Variants in TRAPPC3L observed in about 807,000 individuals in gnomAD.
TRAPPC3L encodes trafficking protein particle complex subunit 3L.
TRAPPC3L carries 23 observed loss-of-function variants against 23.7 expected under a neutral mutation model. The ratio of observed to expected loss-of-function variants is 0.97; its 90% CI spans 0.70 to 1.37. The LOEUF (loss-of-function observed/expected upper bound fraction) is 1.37. Ranked by LOEUF, TRAPPC3L falls within the 40% of genes most tolerant of loss-of-function variation. TRAPPC3L has a pLI of 0.00. For synonymous variants in TRAPPC3L, 81 were observed against 77.9 expected, an observed-to-expected ratio of 1.04 and a Z score of -0.21; for missense variants, 212 against 216.8, an observed-to-expected ratio of 0.98 and a Z score of 0.14.
At chr6:116,530,884 CATAG>C (rs1411120457) in intron 3 of TRAPPC3L, among the ~76,000 whole-genome samples, 14 of 121,240 alleles carry the variant, frequency 1.2e-4, no homozygotes, top group African/African-American at 4.5e-4. Context: ...GCAGAAGGTT[CATAG>C]ATAAAGTGAG....
At chr6:116,500,895 C>T (rs1216848048) in intron 3 of TRAPPC3L, among the ~76,000 whole-genome samples, 1 of 152,186 alleles carries the variant, frequency 6.6e-6, no homozygotes, top group Non-Finnish European at 1.5e-5. Context: ...ATAGGAACAG[C>T]TCTAGTCTAT....
chr6:116,523,061 G>T (rs748652630), intron 3 of TRAPPC3L: 2 of 150,592 alleles, frequency 1.3e-5, no homozygotes, highest in Non-Finnish European at 3.0e-5. Context: ...ATTTCTAACA[G>T]GTTCTCAGGT....
chr6:116,530,902 CATAT>C (rs10557481), intron 3 of TRAPPC3L, among the ~76,000 whole-genome samples: 12,051 of 75,912 alleles, frequency 0.16, 719 homozygotes, highest in Non-Finnish European at 0.19. Flanking sequence ...AAGTGAGACT[CATAT>C]ATATATATAT....
At chr6:116,505,850 C>T (rs989754393) in intron 3 of TRAPPC3L, among the ~76,000 whole-genome samples, 27 of 152,140 alleles carry the variant, frequency 1.8e-4, no homozygotes, top group Non-Finnish European at 3.4e-4. Context: ...TTCCTTACAC[C>T]TTATACAAAA....
chr6:116,500,832 T>C (rs1188122837), intron 3 of TRAPPC3L, among the ~76,000 whole-genome samples, 166 bp from the exon 4 acceptor site: 1 of 152,194 alleles, frequency 6.6e-6, no homozygotes, highest in Non-Finnish European at 1.5e-5. Context: ...ATTGATCCTA[T>C]GATGTGAAAT....
chr6:116,515,226 T>C (rs1772199675), intron 3 of TRAPPC3L, among the ~76,000 whole-genome samples: 1 of 152,194 alleles, frequency 6.6e-6, no homozygotes, highest in Non-Finnish European at 1.5e-5. Context: ...GAGCTGGTCA[T>C]TTACTCAAAT....
chr6:116,501,298 T>C (rs1583264541), intron 3 of TRAPPC3L, among the ~76,000 whole-genome samples: 1 of 151,614 alleles, frequency 6.6e-6, no homozygotes, highest in Non-Finnish European at 1.5e-5. Context: ...GGGGGAGGGG[T>C]GTCTGCCATT....
chr6:116,501,482 G>T (rs1436874636), intron 3 of TRAPPC3L, among the ~76,000 whole-genome samples: 1 of 152,176 alleles, frequency 6.6e-6, no homozygotes, highest in Non-Finnish European at 1.5e-5. Context: ...ACACTTAAAC[G>T]TTCCTGCCTG....
rs1771843360 is a variant in TRAPPC3L at position 116,497,053 on chromosome 6, AAC to A, written c.445_446del (p.Val149TyrfsTer10). The stretch of plus-strand genomic sequence containing the variant: ...CTTTTAGTCTGTCTTGCAAGAATGT[AAC>A]ATCAGCCGCCAAATGAACCTAGGAA... ...ALEMVHLAAD[V>X]TFLQDRLKGD... On this transcript the variant is annotated frameshift_variant, in exon 5 of 5. Coordinates refer to ENST00000368602, the MANE Select transcript of TRAPPC3L (RefSeq NM_001139444.3). LOFTEE classifies it high-confidence loss of function. 2 of 1,542,166 alleles carry A rather than the reference AAC, an allele frequency of 1.3e-6. No individual in the cohort carries two copies. Among genetic ancestry groups the A allele is most frequent in the African/African-American group, 2.8e-5 (2 of 72,058 alleles).
chr6:116,500,547 A>C lies in TRAPPC3L; in HGVS notation c.360T>G (p.Pro120=), dbSNP rs1293349437. Residue 120 remains proline, a synonymous_variant, in exon 4 of 5, where the codon CCT becomes CCG. Transcript: ENST00000368602. Reference sequence around the variant, plus strand: ...AGTAGCACAGAGAAGATCGCCCAGCAGGGAGCTCTTCCACAAACTCCACCA... The same window carrying C: ...AGTAGCACAGAGAAGATCGCCCAGCCGGGAGCTCTTCCACAAACTCCACCA... ...NPLVEFVEEL[P]AGRSSLCYCN... is the part of the protein sequence containing the mutation. The C allele has an allele frequency of 6.4e-7, 1 of 1,551,572 alleles. No homozygotes were observed. The highest frequency in any genetic ancestry group is 1.4e-5 in the African/African-American group (1 of 73,066).
chr6:116,497,111 T>C (rs1389039126), intron 4 of TRAPPC3L, 38 bp from the exon 5 acceptor site: 1 of 1,500,502 alleles, frequency 6.7e-7, no homozygotes, highest in South Asian at 1.3e-5. Flanking sequence ...TGTCATTCAA[T>C]TAAAAAACAA....
chr6:116,536,221 A>G lies in TRAPPC3L; in HGVS notation c.240+4142T>C, dbSNP rs112710569. Among the ~76,000 whole-genome samples the G allele has an allele frequency of 3.0e-3, 450 of 152,344 alleles. 4 individuals carry two copies. The highest frequency in any genetic ancestry group is 0.01 in the African/African-American group (433 of 41,572). On this transcript the variant is annotated intron_variant, in intron 3 of 4. Coordinates refer to ENST00000368602, the MANE Select transcript of TRAPPC3L (RefSeq NM_001139444.3). ...TTTAATGTTGTAGGAATGAGACTTTATAATTAACTTGGCATCTTTTTTTTA... is the reference window on the plus strand; with the variant it reads ...TTTAATGTTGTAGGAATGAGACTTTGTAATTAACTTGGCATCTTTTTTTTA...
chr6:116,512,064 C>T, intron 3 of TRAPPC3L: 1 of 1,614,030 alleles, frequency 6.2e-7, no homozygotes, highest in Non-Finnish European at 8.5e-7. Flanking sequence ...CTCAATGGAA[C>T]TTTCTATGAA....
At chr6:116,536,251 A>G (rs933528567) in intron 3 of TRAPPC3L, among the ~76,000 whole-genome samples, 4 of 152,140 alleles carry the variant, frequency 2.6e-5, no homozygotes, top group African/African-American at 9.7e-5. Flanking sequence ...TTTTTATATA[A>G]AATGCAAGGT....
chr6:116,543,910 A>C (rs1476105267), intron 1 of TRAPPC3L: 14 of 1,448,670 alleles, frequency 9.7e-6, no homozygotes, highest in Admixed American at 2.1e-5. Context: ...AAAAAAGGGG[A>C]ATGTGATATT....
chr6:116,511,819 C>T (rs1412381506), intron 3 of TRAPPC3L: 2 of 1,614,024 alleles, frequency 1.2e-6, no homozygotes, highest in South Asian at 1.1e-5. Context: ...CTTTTAAGTG[C>T]CCCTGCAGCA....
chr6:116,495,309 C>T lies in TRAPPC3L; in HGVS notation c.*1645G>A, dbSNP rs1418213619. 1 of 151,894 alleles carries T rather than the reference C, an allele frequency of 6.6e-6. No homozygotes were observed. The highest frequency in any genetic ancestry group is 1.5e-5 in the Non-Finnish European group (1 of 67,996). 9.4% of individuals were successfully genotyped at this position (151,894 alleles called of 1,614,324 possible). A position where few individuals can be genotyped will look rare whatever the true frequency, so the allele number is the denominator to read the frequency against. On this transcript the variant is annotated 3_prime_UTR_variant, in exon 5 of 5. Coordinates refer to ENST00000368602, the MANE Select transcript of TRAPPC3L (RefSeq NM_001139444.3). The stretch of plus-strand genomic sequence containing the variant: ...GACATATTTCATTGAACATAATGAC[C>T]TCTAGTTCCATCCATGTTTTGCAAA...
intron 3 of TRAPPC3L, chr6:116,524,693 G>C (rs769123648): frequency 1.3e-5 from 2 of 151,932 alleles, no homozygotes; most frequent in Non-Finnish European, 2.9e-5. Context: ...CCTTCAGGTA[G>C]GTCTTTTTGG....
intron 3 of TRAPPC3L, among the ~76,000 whole-genome samples, chr6:116,531,382 G>GA (rs1772714419): frequency 6.6e-6 from 1 of 152,014 alleles, no homozygotes; most frequent in Non-Finnish European, 1.5e-5. Context: ...TGGAGAGAAG[G>GA]AAAAGAAAAA....
Sources: gnomAD v4.1 joint callset for allele counts (sites outside exome capture counted in the v4.1 genomes callset) on GRCh38, gnomAD v4.1.1 for gene constraint, MANE v1.5 for transcripts, NCBI Gene and HGNC (gene_info 2026-07-23, HGNC 2026-07-21) for gene names.